CAPN15: variants seen among roughly 807,000 people sequenced by gnomAD.
CAPN15 encodes calpain-15.
CAPN15 carries 53 observed loss-of-function variants against 97.9 expected under a neutral mutation model. That is an observed-to-expected ratio of 0.54 (90% CI 0.43 to 0.68). The LOEUF (loss-of-function observed/expected upper bound fraction) is 0.68, where lower values mean the gene tolerates loss of function less well. CAPN15 is among the 30% of genes least tolerant of loss of function. The probability of loss-of-function intolerance (pLI) is 0.00; values close to 1 mark genes in which losing one functional copy is unlikely to be tolerated. For synonymous variants in CAPN15, 922 were observed against 722.5 expected (o/e 1.28, Z -4.43); for missense variants, 1,592 against 1,589.8 (o/e 1.00, Z -0.02).
At position 554,520 on chromosome 16, in the gene CAPN15, C is replaced by T; in HGVS notation, c.*1004C>T. 1 of 456,190 alleles carries T rather than the reference C, an allele frequency of 2.2e-6. No homozygotes were observed. Among genetic ancestry groups the T allele is most frequent in the Non-Finnish European group, 4.4e-6 (1 of 226,754 alleles). 28.3% of individuals were successfully genotyped at this position (456,190 alleles called of 1,614,324 possible). ...TTTAACCCTGTAAATACGGCCAGCTCTTGTGACACAGAGACTATTTTATCA... is the reference window on the plus strand; with the variant it reads ...TTTAACCCTGTAAATACGGCCAGCTTTTGTGACACAGAGACTATTTTATCA... On this transcript the variant is annotated 3_prime_UTR_variant, in exon 14 of 14. Coordinates refer to ENST00000219611, the MANE Select transcript of CAPN15 (RefSeq NM_005632.3).
intron 3 of CAPN15, among the ~76,000 whole-genome samples, chr16:544,032 G>C (rs938737062): frequency 6.6e-6 from 1 of 152,194 alleles, no homozygotes; most frequent in African/African-American, 2.4e-5. Flanking sequence ...AGCTGACAGA[G>C]TGCCTGGCGC....
At chr16:531,183 C>T (rs2033223346) in intron 1 of CAPN15, among the ~76,000 whole-genome samples, 1 of 151,990 alleles carries the variant, frequency 6.6e-6, no homozygotes, top group Non-Finnish European at 1.5e-5. Flanking sequence ...CAAAAAGTTG[C>T]CCTTTATTTT....
chr16:552,908 G>C lies in CAPN15; in HGVS notation c.2950G>C (p.Gly984Arg). ...CTACTACCTGACACACGGTTGGGCGGGGCTCATCGTGGTGGTGGAGAACCG... is the reference window on the plus strand; with the variant it reads ...CTACTACCTGACACACGGTTGGGCGCGGCTCATCGTGGTGGTGGAGAACCG... ...TCYYLTHGWAGLIVVVENRHP... is the reference protein window; with the variant it reads ...TCYYLTHGWARLIVVVENRHP... The change falls in exon 13 of 14, where the codon GGG becomes CGG. Residue 984 changes from glycine (G) to arginine (R), a missense_variant. Physicochemically the swap from Gly to Arg is moderately radical, Grantham distance 125 (BLOSUM62 -2). Around this residue, in one of 3 missense-constraint regions of CAPN15, gnomAD observed 644 missense variants for 699.6 expected, o/e 0.92. Coordinates refer to ENST00000219611, the MANE Select transcript of CAPN15 (RefSeq NM_005632.3). This position sits in a 1 kb window ranked among gnomAD's most constrained non-coding sequence, Gnocchi z 6.4. 6.2e-7 allele frequency: 1 copy of C among 1,611,334 alleles called. No homozygotes were observed. Among genetic ancestry groups the C allele is most frequent in the Non-Finnish European group, 8.5e-7 (1 of 1,179,122 alleles).
Position 553,426 on chromosome 16 carries a change from C to T in CAPN15, c.3171C>T (p.Ala1057=). Residue 1057 remains alanine, a synonymous_variant, in exon 14 of 14, where the codon GCC becomes GCT. Transcript: ENST00000219611. ...HRLAHRKAAQ[A]FLSDWTASKG... is the part of the protein sequence containing the mutation. ...TGGCACATCGCAAGGCAGCCCAGGC[C>T]TTCCTCAGTGACTGGACAGCCTCCA... The T allele has an allele frequency of 6.2e-7, 1 of 1,611,352 alleles. No homozygotes were observed.
At position 554,337 on chromosome 16, in the gene CAPN15, C is replaced by T. The variant is rs1358195767; in HGVS notation, c.*821C>T. ...CCCAGGAGTGTGTGGACGTCTGAGC[C>T]CAGCTTTCTGCGTGCCCTCCTGGCC... is the stretch of plus-strand genomic sequence containing the variant. On this transcript the variant is annotated 3_prime_UTR_variant, in exon 14 of 14. Coordinates refer to ENST00000219611, the MANE Select transcript of CAPN15 (RefSeq NM_005632.3). 9 of 369,850 alleles carry T rather than the reference C, an allele frequency of 2.4e-5. No homozygotes were observed. The Admixed American group carries it at 3.1e-4, about 13-fold the overall frequency. 22.9% of individuals were successfully genotyped at this position (369,850 alleles called of 1,614,324 possible). A position where few individuals can be genotyped will look rare whatever the true frequency, so the allele number is the denominator to read the frequency against.
At chr16:551,769 C>T (rs1033334816) in intron 9 of CAPN15, 105 bp downstream of exon 9, 7 of 1,448,850 alleles carry the variant, frequency 4.8e-6, no homozygotes, top group Admixed American at 1.9e-5. Flanking sequence ...GGTGGGGCGG[C>T]TTGTTCGTGG....
In CAPN15 at chr16:552,227, G is replaced by GT; in HGVS notation, c.2507+15_2507+16insT. The GT allele has an allele frequency of 6.5e-7, 1 of 1,531,096 alleles. No homozygotes were observed. The allele number at this position is 1,531,096 out of a possible 1,614,324, so 94.8% of individuals were successfully genotyped here. A position where few individuals can be genotyped will look rare whatever the true frequency, so the allele number is the denominator to read the frequency against. ...GAGGGCAGCAGGTGGGTGCTGCGGG[G>GT]CCCCATCGGGCTGGGCTGGGCTAGG... On this transcript the variant is annotated intron_variant, in intron 10 of 13. Coordinates refer to ENST00000219611, the MANE Select transcript of CAPN15 (RefSeq NM_005632.3). The surrounding 1 kb of genome is among the most constrained non-coding windows in gnomAD (Gnocchi z 6.4).
chr16:549,943 A>G, intron 7 of CAPN15, 105 bp downstream of exon 7: 1 of 968,244 alleles, frequency 1.0e-6, no homozygotes, highest in Non-Finnish European at 1.6e-6. Context: ...TGCTTCCACG[A>G]GGTGCCCCTG....
intron 2 of CAPN15, among the ~76,000 whole-genome samples, chr16:534,233 G>GGGCGGCCCGGGATCCCGAC (rs1567134561): frequency 6.8e-6 from 1 of 146,736 alleles, no homozygotes; most frequent in African/African-American, 2.8e-5. Context: ...GGTCCCGACA[G>GGGCGGCCCGGGATCCCGAC]GGGTGTTTGT....
At position 546,232 on chromosome 16, in the gene CAPN15, C is replaced by T. The variant is rs540173338; in HGVS notation, c.-22-585C>T. Reference sequence around the variant, plus strand: ...TGTTTTTGTGCTTCTTATGAAGAGGCAGGTTTTCTTTCTTCCTGAACCAAA... The same window carrying T: ...TGTTTTTGTGCTTCTTATGAAGAGGTAGGTTTTCTTTCTTCCTGAACCAAA... On this transcript the variant is annotated intron_variant, in intron 3 of 13. Coordinates refer to ENST00000219611, the MANE Select transcript of CAPN15 (RefSeq NM_005632.3). Among the ~76,000 whole-genome samples the T allele has an allele frequency of 4.5e-3, 690 of 152,336 alleles. 7 individuals carry two copies. The highest frequency in any genetic ancestry group is 0.016 in the African/African-American group (648 of 41,572).
At chr16:534,650 C>T (rs1387272700) in intron 2 of CAPN15, among the ~76,000 whole-genome samples, 3 of 152,204 alleles carry the variant, frequency 2.0e-5, no homozygotes, top group Admixed American at 6.5e-5. Context: ...GACTGAGCTT[C>T]GTCCCGGTAG....
intron 9 of CAPN15, 116 bp from the exon 10 acceptor site, chr16:551,935 C>G (rs111911259): frequency 0.028 from 33,306 of 1,195,442 alleles, 624 homozygotes; most frequent in Admixed American, 0.067. Flanking sequence ...TGCAAGAGGA[C>G]GGTGACGGAG....
Position 552,722 on chromosome 16 carries a change from T to C in CAPN15, c.2855T>C (p.Leu952Pro). ...VEPVEAQPTT[L>P]ADAIILLTES... ...CCCGTGGAAGCCCAGCCGACCACGC[T>C]GGCCGACGCCATCATCCTGCTCACC... The change falls in exon 12 of 14, where the codon CTG (leucine) becomes CCG (proline). Residue 952 changes from leucine (L) to proline (P), a missense_variant. By Grantham distance (98) the Leu-to-Pro change is moderately conservative. Transcript: ENST00000219611. The surrounding 1 kb of genome is among the most constrained non-coding windows in gnomAD (Gnocchi z 6.4). 6.5e-7 allele frequency: 1 copy of C among 1,535,812 alleles called. No homozygotes were observed. Among genetic ancestry groups the C allele is most frequent in the Non-Finnish European group, 8.8e-7 (1 of 1,141,308 alleles).
intron 1 of CAPN15, among the ~76,000 whole-genome samples, chr16:531,401 C>A (rs2033240331): frequency 6.6e-6 from 1 of 152,022 alleles, no homozygotes; most frequent in South Asian, 2.1e-4. Flanking sequence ...GCAGGTTGAA[C>A]CTCTTACACC....
rs74988150 is a variant in CAPN15 at position 547,764 on chromosome 16, G to A, written c.926G>A (p.Arg309His). 0.018 allele frequency: 28,719 copies of A among 1,610,100 alleles called. 517 individuals carry two copies. Among genetic ancestry groups the A allele is most frequent in the African/African-American group, 0.089 (6,680 of 75,002 alleles). Residue 309 changes from arginine (R) to histidine (H), a missense_variant, in exon 4 of 14, where the codon CGC (arginine) becomes CAC (histidine). Around this residue, in one of 3 missense-constraint regions of CAPN15, gnomAD observed 883 missense variants for 776.6 expected, o/e 1.14. Coordinates refer to ENST00000219611, the MANE Select transcript of CAPN15 (RefSeq NM_005632.3). ...GAGGCCACGGAGGGTGGCACCAGCCGCGTAGAGGCCGGCAGCTCCACCTCG... is the reference window on the plus strand; with the variant it reads ...GAGGCCACGGAGGGTGGCACCAGCCACGTAGAGGCCGGCAGCTCCACCTCG... ...EEEATEGGTS[R>H]VEAGSSTSGS... is the part of the protein sequence containing the mutation.
At position 547,191 on chromosome 16, in the gene CAPN15, C is replaced by A; in HGVS notation, c.353C>A (p.Pro118His). Residue 118 changes from proline to histidine, a missense_variant, in exon 4 of 14, where the codon CCC becomes CAC. Physicochemically the swap from Pro to His is moderately conservative, Grantham distance 77 (BLOSUM62 -2). Around this residue, in one of 3 missense-constraint regions of CAPN15, gnomAD observed 883 missense variants for 776.6 expected, o/e 1.14. Coordinates refer to ENST00000219611, the MANE Select transcript of CAPN15 (RefSeq NM_005632.3). ...ACTGCGGGGCTGGTGGCCACGGAGC[C>A]CGCCAGGGGGCAGTGCGAGGACAAG... is the stretch of plus-strand genomic sequence containing the variant. ...VRTAGLVATEPARGQCEDKDE... is the reference protein window; with the variant it reads ...VRTAGLVATEHARGQCEDKDE... 6.5e-7 allele frequency: 1 copy of A among 1,532,974 alleles called. No individual in the cohort carries two copies. Among genetic ancestry groups the A allele is most frequent in the African/African-American group, 1.4e-5 (1 of 73,766 alleles). 95.0% of individuals were successfully genotyped at this position (1,532,974 alleles called of 1,614,324 possible). A position where few individuals can be genotyped will look rare whatever the true frequency, so the allele number is the denominator to read the frequency against.
intron 1 of CAPN15, among the ~76,000 whole-genome samples, chr16:530,388 C>A (rs1314436775): frequency 1.3e-5 from 2 of 152,244 alleles, no homozygotes; most frequent in African/African-American, 4.8e-5. Flanking sequence ...TTCTGAATAC[C>A]TGGGTTCTGG....
At position 552,876 on chromosome 16, in the gene CAPN15, T is replaced by C; in HGVS notation, c.2918T>C (p.Met973Thr). The change falls in exon 13 of 14, where the codon ATG becomes ACG. Residue 973 changes from methionine to threonine, a missense_variant. Transcript: ENST00000219611. This position sits in a 1 kb window ranked among gnomAD's most constrained non-coding sequence, Gnocchi z 6.4. The part of the protein sequence containing the change: ...RGERHEGREG[M>T]TCYYLTHGWA... Reference sequence around the variant, plus strand: ...TCCTGTGCCCAGGGCCGTGAGGGCATGACCTGCTACTACCTGACACACGGT... The same window carrying C: ...TCCTGTGCCCAGGGCCGTGAGGGCACGACCTGCTACTACCTGACACACGGT... The C allele has an allele frequency of 6.3e-7, 1 of 1,594,238 alleles. No individual in the cohort carries two copies. The highest frequency in any genetic ancestry group is 8.6e-7 in the Non-Finnish European group (1 of 1,168,990).
chr16:549,920 C>A, intron 7 of CAPN15, 82 bp downstream of exon 7: 1 of 1,200,090 alleles, frequency 8.3e-7, no homozygotes, highest in African/African-American at 1.5e-5. Context: ...GCTGGTGGCC[C>A]CTGACCCAGT....
Sources: allele counts gnomAD v4.1 joint callset (sites outside exome capture counted in the v4.1 genomes callset), GRCh38; gene constraint gnomAD v4.1.1; regional missense constraint gnomAD v4.1.1; non-coding constraint Gnocchi (gnomAD v3.1); transcripts MANE v1.5; gene names NCBI Gene and HGNC (gene_info 2026-07-23, HGNC 2026-07-21).